ST13: variants seen among roughly 807,000 people sequenced by gnomAD.
ST13 encodes the protein hsc70-interacting protein.
In ST13, 23 loss-of-function variants were observed where a neutral mutation model predicts 56.7. The ratio of observed to expected loss-of-function variants is 0.41; its 90% CI spans 0.29 to 0.57. The LOEUF is 0.57. ST13 is among the 20% of genes least tolerant of loss of function. The probability of loss-of-function intolerance (pLI) is 0.36; values close to 1 mark genes in which losing one functional copy is unlikely to be tolerated. For missense variants in ST13, 369 were observed against 459.9 expected (o/e 0.80, Z 1.81); for synonymous variants, 132 against 142.4 (o/e 0.93, Z 0.52).
Position 40,856,550 on chromosome 22 carries a change from G to C in ST13, c.-10C>G. On this transcript the variant is annotated 5_prime_UTR_variant, in exon 1 of 12. Coordinates refer to ENST00000216218, the MANE Select transcript of ST13 (RefSeq NM_003932.5). ...CTTTGCGGGGGTCCATGGTAGGGAGGTGGTGGGCGAAACTGGGGGGGCTAC... is the reference window on the plus strand; with the variant it reads ...CTTTGCGGGGGTCCATGGTAGGGAGCTGGTGGGCGAAACTGGGGGGGCTAC... 6.2e-7 allele frequency: 1 copy of C among 1,610,272 alleles called. No individual in the cohort carries two copies. Among genetic ancestry groups the C allele is most frequent in the Non-Finnish European group, 8.5e-7 (1 of 1,178,394 alleles).
chr22:40,827,063 T>C, intron 11 of ST13, 33 bp downstream of exon 11: 3 of 1,605,494 alleles, frequency 1.9e-6, no homozygotes, highest in Non-Finnish European at 2.6e-6. Flanking sequence ...GCCTTAATGA[T>C]ACAAAGTCCA....
At chr22:40,843,494 C>G (rs2057814822) in intron 4 of ST13, among the ~76,000 whole-genome samples, 1 of 151,872 alleles carries the variant, frequency 6.6e-6, no homozygotes, top group Non-Finnish European at 1.5e-5. Context: ...TGAAACAGAC[C>G]CACAATATTC....
chr22:40,843,126 A>G (rs1320734237), intron 4 of ST13, among the ~76,000 whole-genome samples: 5 of 152,354 alleles, frequency 3.3e-5, no homozygotes, highest in Non-Finnish European at 7.3e-5. Flanking sequence ...TCTCAAAAAA[A>G]CAAAGCACAA....
chr22:40,856,333 G>T, intron 1 of ST13, 98 bp downstream of exon 1: 2 of 1,062,796 alleles, frequency 1.9e-6, no homozygotes, highest in South Asian at 2.6e-5. Flanking sequence ...AAGGGGCAGC[G>T]ACCCCGCCTC....
At position 40,840,606 on chromosome 22, in the gene ST13, G is replaced by A. The variant is rs1291543710; in HGVS notation, c.382+20C>T. On this transcript the variant is annotated intron_variant, in intron 5 of 11. Transcript: ENST00000216218. ...TAAATATTCTGACTACCATAGAAAT[G>A]TAGCAAAAAGATTACTCACCATCAT... 6.2e-6 allele frequency: 10 copies of A among 1,602,588 alleles called. No individual in the cohort carries two copies. The East Asian group carries it at 2.2e-4, about 36-fold the overall frequency.
At position 40,830,937 on chromosome 22, in the gene ST13, T is replaced by C. The variant is rs1001250077; in HGVS notation, c.701A>G (p.His234Arg). ...ACGTTTTCGCTCATACTTTCTCCGA[T>C]GTTCTGCAATTTTCTGTGCCTAGAA... ...VQPRAQKIAE[H>R]RRKYERKREE... The change falls in exon 9 of 12, where the codon CAT becomes CGT. Residue 234 changes from histidine (H) to arginine (R), a missense_variant. This residue lies in a region of ST13 where 64 missense variants were observed against 125.1 expected (regional missense o/e 0.51). Transcript: ENST00000216218. 10 of 1,600,582 alleles carry C rather than the reference T, an allele frequency of 6.2e-6. No individual in the cohort carries two copies. The highest frequency in any genetic ancestry group is 2.2e-5 in the East Asian group (1 of 44,862).
chr22:40,844,417 A>G (rs2057820683), intron 4 of ST13, among the ~76,000 whole-genome samples: 1 of 152,116 alleles, frequency 6.6e-6, no homozygotes, highest in Admixed American at 6.6e-5. Context: ...TTAATATTCT[A>G]TGAGTCTTTG....
chr22:40,839,372 T>C (rs2057791921), intron 5 of ST13, among the ~76,000 whole-genome samples: 1 of 152,192 alleles, frequency 6.6e-6, no homozygotes, highest in Non-Finnish European at 1.5e-5. Context: ...TGACACACTA[T>C]CACTGTTATA....
intron 3 of ST13, among the ~76,000 whole-genome samples, chr22:40,846,390 A>G (rs913405145): frequency 1.3e-5 from 2 of 152,218 alleles, no homozygotes; most frequent in Non-Finnish European, 2.9e-5. Context: ...TCAAGTATAC[A>G]GTATTATAGT....
In ST13 at chr22:40,840,730, G is replaced by C. The variant is rs373311590; in HGVS notation, c.316-38C>G. On this transcript the variant is annotated intron_variant, in intron 4 of 11. Coordinates refer to ENST00000216218, the MANE Select transcript of ST13 (RefSeq NM_003932.5). ...TAAAAATCATCTTAGAATTAGTAGA[G>C]AGAGAGAGAAGGAAGCAATTCATAC... 75 of 1,556,418 alleles carry C rather than the reference G, an allele frequency of 4.8e-5. No individual in the cohort carries two copies. The African/African-American group carries it at 9.1e-4, about 19-fold the overall frequency.
At chr22:40,845,259 A>G (rs1222278605) in intron 3 of ST13, among the ~76,000 whole-genome samples, 1 of 152,226 alleles carries the variant, frequency 6.6e-6, no homozygotes, top group African/African-American at 2.4e-5. Context: ...CTGATGTACT[A>G]TGTTTTTCAA....
chr22:40,829,673 T>A lies in ST13; in HGVS notation c.800A>T (p.Glu267Val). 1 of 1,477,090 alleles carries A rather than the reference T, an allele frequency of 6.8e-7. No homozygotes were observed. The highest frequency in any genetic ancestry group is 1.8e-5 in the Admixed American group (1 of 54,748). 91.5% of individuals were successfully genotyped at this position (1,477,090 alleles called of 1,614,324 possible). Residue 267 changes from glutamate to valine, a missense_variant and splice_region_variant, in exon 10 of 12, where the codon GAG becomes GTG. By Grantham distance (121) the Glu-to-Val change is moderately radical. Coordinates refer to ENST00000216218, the MANE Select transcript of ST13 (RefSeq NM_003932.5). ...TCCTGACTGTCGTCTGGCTTCTTCC[T>A]CCTTTGATACAAAAGGAAATAAATT... ...AREEHERAQREEEARRQSGAQ... is the reference protein window; with the variant it reads ...AREEHERAQRVEEARRQSGAQ...
intron 5 of ST13, among the ~76,000 whole-genome samples, chr22:40,837,914 C>G (rs1379739250): frequency 6.6e-6 from 1 of 152,154 alleles, no homozygotes; most frequent in Non-Finnish European, 1.5e-5. Context: ...CCTCAAAGTG[C>G]TGGGATTGTT....
chr22:40,829,075 T>C (rs762961099), intron 10 of ST13, among the ~76,000 whole-genome samples: 14 of 152,220 alleles, frequency 9.2e-5, no homozygotes, highest in Admixed American at 2.0e-4. Context: ...TCAATATTTG[T>C]TCTAGGTTTG....
rs772298621 is a variant in ST13, at chr22:40,827,146, G to GCATTCCAGC, written c.922_930dup (p.Ala308_Met310dup). 18 of 1,612,164 alleles carry GCATTCCAGC rather than the reference G, an allele frequency of 1.1e-5. No homozygotes were observed. The highest frequency in any genetic ancestry group is 2.5e-6 in the Non-Finnish European group (3 of 1,179,984). On this transcript the variant is annotated inframe_insertion, in exon 11 of 12. Coordinates refer to ENST00000216218, the MANE Select transcript of ST13 (RefSeq NM_003932.5). The stretch of plus-strand genomic sequence containing the variant: ...TCACTAAGAATTTCATTGAGTCCAG[G>GCATTCCAGC]CATTCCAGCCATTCCAGGCATGCCC...
At chr22:40,827,350 G>C in intron 10 of ST13, 121 bp from the exon 11 acceptor site, 2 of 967,124 alleles carry the variant, frequency 2.1e-6, no homozygotes, top group Non-Finnish European at 3.1e-6. Context: ...AGTCTGAAGA[G>C]TCTGAAAATT....
intron 11 of ST13, 136 bp downstream of exon 11, chr22:40,826,960 T>G: frequency 9.5e-7 from 1 of 1,053,490 alleles, no homozygotes; most frequent in East Asian, 2.5e-5. Context: ...AAAATAAATG[T>G]CACTCTTGCA....
chr22:40,845,468 A>G (rs2057826254), intron 3 of ST13, among the ~76,000 whole-genome samples: 1 of 152,080 alleles, frequency 6.6e-6, no homozygotes. Flanking sequence ...CCTGGTCCCT[A>G]ATTATTTTCA....
chr22:40,851,903 C>T (rs1220903880), intron 1 of ST13, among the ~76,000 whole-genome samples: 2 of 152,062 alleles, frequency 1.3e-5, no homozygotes, highest in Admixed American at 6.6e-5. Context: ...CATGCCATCA[C>T]ACCCAGCTGA....
Sources: allele counts gnomAD v4.1 joint callset (sites outside exome capture counted in the v4.1 genomes callset), GRCh38; gene constraint gnomAD v4.1.1; regional missense constraint gnomAD v4.1.1; transcripts MANE v1.5; gene names NCBI Gene and HGNC (gene_info 2026-07-23, HGNC 2026-07-21).